The following KIF26B variants were observed in gnomAD, a reference collection of about 807,000 sequenced individuals.
KIF26B encodes kinesin family member 26B.
In KIF26B, 63 loss-of-function variants were observed where a neutral mutation model predicts 151.2. That is an observed-to-expected ratio of 0.42 (90% CI 0.34 to 0.51). The LOEUF (loss-of-function observed/expected upper bound fraction) is 0.51. Among genes scored for constraint, KIF26B ranks in the 20% least tolerant of loss-of-function variants. The pLI is 0.07. For synonymous variants in KIF26B, 1,357 were observed against 1,262.1 expected (o/e 1.08, Z -1.59); for missense variants, 2,813 against 2,913.6 (o/e 0.97, Z 0.79).
chr1:245,225,956 T>C (rs182754437), intron 2 of KIF26B: 2 of 152,328 alleles, frequency 1.3e-5, no homozygotes, highest in Non-Finnish European at 2.9e-5. Context: ...GGCAAATTTG[T>C]TTTGCGTTTC....
chr1:245,194,652 A>G (rs931298619), intron 2 of KIF26B, among the ~76,000 whole-genome samples: 1 of 152,136 alleles, frequency 6.6e-6, no homozygotes, highest in African/African-American at 2.4e-5. Flanking sequence ...TGCTGGGATT[A>G]CAGGTGCGAG....
At chr1:245,416,041 C>T (rs1391495699) in intron 3 of KIF26B, among the ~76,000 whole-genome samples, 10 of 148,588 alleles carry the variant, frequency 6.7e-5, no homozygotes, top group Admixed American at 2.0e-4. Flanking sequence ...CTGAGGTGGG[C>T]GGATCACCTG....
intron 9 of KIF26B, among the ~76,000 whole-genome samples, chr1:245,639,279 C>T (rs563652946): frequency 7.9e-5 from 12 of 151,890 alleles, no homozygotes; most frequent in Admixed American, 2.6e-4. Context: ...TCATAATGGT[C>T]GCTAATGATC....
intron 5 of KIF26B, among the ~76,000 whole-genome samples, chr1:245,568,986 A>G (rs1189166638): frequency 6.6e-6 from 1 of 152,204 alleles, no homozygotes; most frequent in Non-Finnish European, 1.5e-5. Flanking sequence ...GTTTAAGATG[A>G]TGAACATGAT....
At chr1:245,443,541 T>C (rs1396354480) in intron 4 of KIF26B, among the ~76,000 whole-genome samples, 5 of 107,250 alleles carry the variant, frequency 4.7e-5, no homozygotes, top group African/African-American at 1.6e-4. Flanking sequence ...CCCTCACTGT[T>C]CACCTAGAGT....
intron 4 of KIF26B, among the ~76,000 whole-genome samples, chr1:245,443,138 G>C (rs1164238284): frequency 6.9e-6 from 1 of 144,286 alleles, no homozygotes; most frequent in Non-Finnish European, 1.5e-5. Context: ...TGTTCACCTA[G>C]AGCTGTCATC....
intron 2 of KIF26B, among the ~76,000 whole-genome samples, chr1:245,245,529 G>A (rs972573422): frequency 1.3e-5 from 2 of 152,140 alleles, no homozygotes; most frequent in African/African-American, 4.8e-5. Context: ...AGTGGCTCAC[G>A]CCTCTAATCT....
At chr1:245,423,752 T>A (rs1658554270) in intron 4 of KIF26B, among the ~76,000 whole-genome samples, 1 of 152,220 alleles carries the variant, frequency 6.6e-6, no homozygotes, top group East Asian at 1.9e-4. Flanking sequence ...ATGTTGGTGT[T>A]CATCTCCATA....
rs370283974 is a variant in KIF26B, at chr1:245,164,886, A to C, written c.465+8203A>C. Among the ~76,000 whole-genome samples the C allele has an allele frequency of 1.2e-4, 19 of 152,272 alleles. No homozygotes were observed. The South Asian group carries it at 3.7e-3, about 30-fold the overall frequency. On this transcript the variant is annotated intron_variant, in intron 2 of 14. Transcript: ENST00000407071. The stretch of plus-strand genomic sequence containing the variant: ...TCAGGAGTTCGAGACCAGCCTGGCC[A>C]ACATGGTGAAACCCCGTCTCTACTA...
At chr1:245,198,726 CAAA>C (rs543858366) in intron 2 of KIF26B, among the ~76,000 whole-genome samples, 1 of 97,866 alleles carries the variant, frequency 1.0e-5, no homozygotes, top group African/African-American at 3.7e-5. Flanking sequence ...GACTCCGTCT[CAAA>C]AAAAAAAAAA....
intron 4 of KIF26B, among the ~76,000 whole-genome samples, chr1:245,436,830 A>T (rs995743887): frequency 7.2e-5 from 11 of 151,786 alleles, no homozygotes; most frequent in Non-Finnish European, 8.8e-5. Context: ...TATCAAGTGC[A>T]TATTGAGACT....
Position 245,265,064 on chromosome 1 carries a change from T to A in KIF26B, c.466-101770T>A, listed in dbSNP as rs1221586385. On this transcript the variant is annotated intron_variant, in intron 2 of 14. Transcript: ENST00000407071. The stretch of plus-strand genomic sequence containing the variant: ...AATACAAAAAAAAATTAGCCAGGCG[T>A]GGTGGCTGGCGCCTGTAGTCCCAGG... Among the ~76,000 whole-genome samples, 3 of 151,248 alleles carry A rather than the reference T, an allele frequency of 2.0e-5. 1 individual carries two copies. The highest frequency in any genetic ancestry group is 4.4e-5 in the Non-Finnish European group (3 of 67,842).
At chr1:245,613,077 G>A (rs2043546137) in intron 9 of KIF26B, among the ~76,000 whole-genome samples, 1 of 152,170 alleles carries the variant, frequency 6.6e-6, no homozygotes, top group South Asian at 2.1e-4. Flanking sequence ...GGGCTGCTGG[G>A]CTGGCCGGGC....
chr1:245,422,847 C>T (rs139824602), intron 4 of KIF26B, among the ~76,000 whole-genome samples: 1,683 of 152,180 alleles, frequency 0.011, 38 homozygotes, highest in African/African-American at 0.039. Context: ...GCCTGTAATC[C>T]CAGTACTTTG....
intron 4 of KIF26B, among the ~76,000 whole-genome samples, chr1:245,437,925 C>CT (rs1403499492): frequency 6.6e-6 from 1 of 152,180 alleles, no homozygotes; most frequent in Non-Finnish European, 1.5e-5. Context: ...AACATAGACT[C>CT]TAAGAATTTA....
chr1:245,577,004 A>G (rs1235809026), intron 5 of KIF26B, among the ~76,000 whole-genome samples: 1 of 152,164 alleles, frequency 6.6e-6, no homozygotes, highest in Non-Finnish European at 1.5e-5. Flanking sequence ...TGGGAGATTC[A>G]TTTTTGCTTC....
chr1:245,461,905 G>A (rs1463670784), intron 4 of KIF26B, among the ~76,000 whole-genome samples: 1 of 152,154 alleles, frequency 6.6e-6, no homozygotes, highest in Non-Finnish European at 1.5e-5. Context: ...CCTGAGGCTA[G>A]AAGTTTGAGA....
chr1:245,481,592 G>C (rs1036068718), intron 4 of KIF26B, among the ~76,000 whole-genome samples: 1 of 151,824 alleles, frequency 6.6e-6, no homozygotes, highest in South Asian at 2.1e-4. Flanking sequence ...ATCTTTTTGC[G>C]TGAAGCTAAT....
At chr1:245,383,407 C>G (rs965358666) in intron 3 of KIF26B, among the ~76,000 whole-genome samples, 1 of 152,198 alleles carries the variant, frequency 6.6e-6, no homozygotes, top group Non-Finnish European at 1.5e-5. Flanking sequence ...GCAGGGTCCA[C>G]TCTCCAGCTT....
Sources: gnomAD v4.1 joint callset for allele counts (sites outside exome capture counted in the v4.1 genomes callset) on GRCh38, gnomAD v4.1.1 for gene constraint, MANE v1.5 for transcripts, NCBI Gene and HGNC (gene_info 2026-07-23, HGNC 2026-07-21) for gene names.